ADGRL3: variants seen among roughly 807,000 people sequenced by gnomAD.
ADGRL3 encodes the protein adhesion G protein-coupled receptor L3.
A neutral mutation model predicts 153.5 loss-of-function variants in ADGRL3; 62 were observed. The ratio of observed to expected loss-of-function variants is 0.40; its 90% confidence interval spans 0.33 to 0.50. The LOEUF (loss-of-function observed/expected upper bound fraction) is 0.50. Among genes scored for constraint, ADGRL3 ranks in the 20% least tolerant of loss-of-function variants. The probability of loss-of-function intolerance (pLI) is 0.47; values close to 1 mark genes in which losing one functional copy is unlikely to be tolerated. For synonymous variants in ADGRL3, 710 were observed against 672.5 expected (o/e 1.06, Z -0.86); for missense variants, 1,641 against 1,859.4 (o/e 0.88, Z 2.16).
At chr4:61,558,810 A>G (rs1050023778) in intron 4 of ADGRL3, among the ~76,000 whole-genome samples, 2 of 152,038 alleles carry the variant, frequency 1.3e-5, no homozygotes, top group Non-Finnish European at 2.9e-5. Context: ...TTTATTTTTA[A>G]AATGAATCTT....
chr4:61,425,127 C>G (rs1348943737), intron 2 of ADGRL3, among the ~76,000 whole-genome samples: 1 of 152,116 alleles, frequency 6.6e-6, no homozygotes, highest in Non-Finnish European at 1.5e-5. Context: ...TATATTTGTG[C>G]AGGCTATGGT....
intron 21 of ADGRL3, among the ~76,000 whole-genome samples, chr4:62,013,618 G>A (rs138340079): frequency 1.3e-3 from 194 of 152,098 alleles, no homozygotes; most frequent in African/African-American, 4.5e-3. Flanking sequence ...GGCCGGGCAT[G>A]GTGACTTATG....
rs1019878408 is a variant in ADGRL3 at position 61,733,504 on chromosome 4, A to G, written c.1349A>G (p.Tyr450Cys). 1 of 1,613,626 alleles carries G rather than the reference A, an allele frequency of 6.2e-7. No individual in the cohort carries two copies. Among genetic ancestry groups the G allele is most frequent in the Non-Finnish European group, 8.5e-7 (1 of 1,179,748 alleles). ...RDNLLYVWNN[Y>C]HVVKYSLDFG... is the part of the protein sequence containing the mutation. ...AACCTACTTTATGTATGGAATAACT[A>G]TCACGTCGTGAAATATTCTTTGGAT... is the stretch of plus-strand genomic sequence containing the variant. The change falls in exon 8 of 27, where the codon TAT (tyrosine) becomes TGT (cysteine). Residue 450 changes from tyrosine to cysteine, a missense_variant. Tyr to Cys is a radical substitution (Grantham distance 194, BLOSUM62 -2). Transcript: ENST00000683033.
At chr4:61,378,066 T>C (rs186045793) in intron 1 of ADGRL3, among the ~76,000 whole-genome samples, 1 of 152,152 alleles carries the variant, frequency 6.6e-6, no homozygotes, top group East Asian at 1.9e-4. Context: ...TATATGATTT[T>C]TCATCCTTTT....
chr4:61,370,578 C>A (rs1293435224), intron 1 of ADGRL3, among the ~76,000 whole-genome samples: 2 of 152,080 alleles, frequency 1.3e-5, no homozygotes, highest in African/African-American at 2.4e-5. Flanking sequence ...AGTTTGATTG[C>A]ACTGTGGTCT....
At position 62,056,516 on chromosome 4, in the gene ADGRL3, A is replaced by G. The variant is rs553954983; in HGVS notation, c.3815-11650A>G. On this transcript the variant is annotated intron_variant, in intron 25 of 26. Transcript: ENST00000683033. ...TACATGCAGTGTTAAGGATTTCCCAACTTCATAGATCTCATCTCCCTGTGA... is the reference window on the plus strand; with the variant it reads ...TACATGCAGTGTTAAGGATTTCCCAGCTTCATAGATCTCATCTCCCTGTGA... Among the ~76,000 whole-genome samples, 5 of 152,116 alleles carry G rather than the reference A, an allele frequency of 3.3e-5. No individual in the cohort carries two copies. The South Asian group carries it at 8.3e-4, about 25-fold the overall frequency.
chr4:61,295,851 T>C (rs886730014), intron 1 of ADGRL3, among the ~76,000 whole-genome samples: 3 of 150,970 alleles, frequency 2.0e-5, no homozygotes, highest in Admixed American at 6.6e-5. Context: ...CATGTGCCTA[T>C]TGTCCTAGCT....
At chr4:61,815,475 G>A (rs2097677704) in intron 9 of ADGRL3, among the ~76,000 whole-genome samples, 1 of 152,150 alleles carries the variant, frequency 6.6e-6, no homozygotes, top group African/African-American at 2.4e-5. Flanking sequence ...AAAGATGATG[G>A]GGAAATTAGG....
At chr4:61,678,361 A>T (rs1229899899) in intron 6 of ADGRL3, among the ~76,000 whole-genome samples, 1 of 152,022 alleles carries the variant, frequency 6.6e-6, no homozygotes, top group Admixed American at 6.6e-5. Context: ...GAAATATAAA[A>T]GCTGAAGTAA....
chr4:61,901,384 C>T (rs770046838), intron 11 of ADGRL3, among the ~76,000 whole-genome samples: 92 of 152,302 alleles, frequency 6.0e-4, no homozygotes, highest in Admixed American at 1.7e-3. Context: ...GACAACGAGT[C>T]AGTTATTTCC....
chr4:61,345,586 C>T (rs1305394962), intron 1 of ADGRL3, among the ~76,000 whole-genome samples: 1 of 152,084 alleles, frequency 6.6e-6, no homozygotes, highest in Non-Finnish European at 1.5e-5. Flanking sequence ...AACTATGGTC[C>T]ATGTACAAGG....
intron 5 of ADGRL3, among the ~76,000 whole-genome samples, chr4:61,664,036 T>G (rs2094700050): frequency 6.6e-6 from 1 of 152,190 alleles, no homozygotes; most frequent in African/African-American, 2.4e-5. Context: ...ATATGATATG[T>G]TCTGGCTTCC....
At chr4:62,003,640 G>T (rs2151129933) in intron 21 of ADGRL3, among the ~76,000 whole-genome samples, 1 of 152,280 alleles carries the variant, frequency 6.6e-6, no homozygotes, top group Middle Eastern at 3.4e-3. Context: ...TAACCACTCT[G>T]TATGGAAATG....
chr4:61,412,269 A>G (rs11131326), intron 2 of ADGRL3, among the ~76,000 whole-genome samples: 141,893 of 152,120 alleles, frequency 0.93, 66,967 homozygotes, highest in East Asian at 1. Flanking sequence ...AATTTTTTTC[A>G]TAGGGACAGG....
At chr4:61,789,563 T>C (rs548639168) in intron 8 of ADGRL3, among the ~76,000 whole-genome samples, 1 of 152,350 alleles carries the variant, frequency 6.6e-6, no homozygotes, top group South Asian at 2.1e-4. Flanking sequence ...AATTTTCTAA[T>C]TATGCTTGAG....
chr4:61,684,588 G>T (rs1423264166), intron 6 of ADGRL3, among the ~76,000 whole-genome samples: 2 of 152,072 alleles, frequency 1.3e-5, no homozygotes, highest in Admixed American at 6.6e-5. Flanking sequence ...AAAGACTGCA[G>T]GGTAGTGGTC....
At chr4:62,002,376 C>A (rs2151112464) in intron 21 of ADGRL3, among the ~76,000 whole-genome samples, 1 of 150,648 alleles carries the variant, frequency 6.6e-6, no homozygotes, top group Admixed American at 6.7e-5. Context: ...ACTTTCTTTT[C>A]CCTAACGCTA....
chr4:61,885,401 A>G (rs1190024326), intron 9 of ADGRL3, among the ~76,000 whole-genome samples: 4 of 152,284 alleles, frequency 2.6e-5, no homozygotes, highest in South Asian at 2.1e-4. Flanking sequence ...CCATTGTTCT[A>G]CTTATGAATT....
rs2097375027 is a variant in ADGRL3, at chr4:61,432,611, TTTC to T, written c.-174+49425_-174+49427del. 4.1e-5 allele frequency among the ~76,000 whole-genome samples: 3 copies of T among 74,024 alleles called. 1 individual carries two copies. The highest frequency in any genetic ancestry group is 8.6e-5 in the Non-Finnish European group (3 of 35,016). The allele number at this position is 74,024 out of a possible 152,430, so 48.6% of individuals were successfully genotyped here. ...CTTTCTTTCTTTCTTTCTTTCTTTCTTTCTTTCTTTCTTTCTTTCTTTCTTTCT... is the reference window on the plus strand; with the variant it reads ...CTTTCTTTCTTTCTTTCTTTCTTTCTTTTCTTTCTTTCTTTCTTTCTTTCT... On this transcript the variant is annotated intron_variant, in intron 2 of 26. Coordinates refer to ENST00000683033, the MANE Select transcript of ADGRL3 (RefSeq NM_001387552.1).
Sources: allele counts gnomAD v4.1 joint callset (sites outside exome capture counted in the v4.1 genomes callset), GRCh38; gene constraint gnomAD v4.1.1; transcripts MANE v1.5; gene names NCBI Gene and HGNC (gene_info 2026-07-23, HGNC 2026-07-21).